The following TCP11L1 variants were observed in gnomAD, a reference collection of about 807,000 sequenced individuals.
TCP11L1 encodes the protein t-complex 11 like 1, also known as T-complex protein 11-like protein 1.
TCP11L1 carries 28 observed loss-of-function variants against 48.9 expected under a neutral mutation model. The ratio of observed to expected loss-of-function variants is 0.57; its 90% CI spans 0.42 to 0.78. TCP11L1 has a LOEUF of 0.78. Ranked by LOEUF, TCP11L1 falls within the 30% of genes least tolerant of loss-of-function variation. The pLI is 0.00. For synonymous variants in TCP11L1, 204 were observed against 231.9 expected (o/e 0.88, Z 1.09); for missense variants, 505 against 613.4 (o/e 0.82, Z 1.87).
At chr11:33,041,631 A>G (rs4627045) in intron 1 of TCP11L1, among the ~76,000 whole-genome samples, 61,627 of 151,544 alleles carry the variant, frequency 0.41, 12,670 homozygotes, top group African/African-American at 0.46. Flanking sequence ...GGCGCCTATA[A>G]TCCCAGCTAC....
intron 2 of TCP11L1, among the ~76,000 whole-genome samples, chr11:33,047,100 G>T (rs1172874456): frequency 6.6e-6 from 1 of 151,806 alleles, no homozygotes; most frequent in African/African-American, 2.4e-5. Context: ...GTGTGTGCCT[G>T]TAATTGGGAG....
chr11:33,048,616 G>A (rs987117031), intron 2 of TCP11L1, among the ~76,000 whole-genome samples: 5 of 152,128 alleles, frequency 3.3e-5, no homozygotes, highest in African/African-American at 1.2e-4. Flanking sequence ...ATTTTAAGTA[G>A]TCTCTTAACT....
At chr11:33,056,959 A>G (rs1854326675) in intron 3 of TCP11L1, among the ~76,000 whole-genome samples, 156 bp from the exon 4 acceptor site, 1 of 152,238 alleles carries the variant, frequency 6.6e-6, no homozygotes, top group African/African-American at 2.4e-5. Flanking sequence ...AAAATAAAGT[A>G]TGCCCTCAGT....
Position 33,057,195 on chromosome 11 carries a change from C to CAT in TCP11L1, c.380_381dup (p.Asp128MetfsTer8). ...GTGCAGCTAAGTGAAGATCCCCCAG[C>CAT]ATATGACCATGCTATCAAACTTGTA... On this transcript the variant is annotated frameshift_variant, in exon 4 of 10. Transcript: ENST00000334274. LOFTEE classifies it high-confidence loss of function. 1 of 1,614,052 alleles carries CAT rather than the reference C, an allele frequency of 6.2e-7. No individual in the cohort carries two copies. Among genetic ancestry groups the CAT allele is most frequent in the South Asian group, 1.1e-5 (1 of 91,074 alleles).
chr11:33,044,261 G>C (rs1853921479), intron 2 of TCP11L1: 1 of 199,694 alleles, frequency 5.0e-6, no homozygotes, highest in Admixed American at 5.8e-5. Context: ...TGTTTGAAAA[G>C]TCTGAGGCTA....
At chr11:33,061,448 G>T in intron 6 of TCP11L1, 82 bp from the exon 7 acceptor site, 1 of 1,340,912 alleles carries the variant, frequency 7.5e-7, no homozygotes, top group Non-Finnish European at 1.0e-6. Context: ...CACTCCACCA[G>T]GACATCGATT....
At chr11:33,052,476 T>C (rs1176378075) in intron 2 of TCP11L1, among the ~76,000 whole-genome samples, 1 of 152,148 alleles carries the variant, frequency 6.6e-6, no homozygotes, top group Non-Finnish European at 1.5e-5. Context: ...TTCCTTTTTT[T>C]TTTTTCTTTT....
intron 2 of TCP11L1, among the ~76,000 whole-genome samples, chr11:33,050,115 G>T (rs902398868): frequency 6.6e-6 from 1 of 152,190 alleles, no homozygotes; most frequent in Non-Finnish European, 1.5e-5. Context: ...ATTAAACCTT[G>T]AGTCAACACA....
chr11:33,056,403 A>C (rs1226465682), intron 3 of TCP11L1, among the ~76,000 whole-genome samples: 3 of 151,854 alleles, frequency 2.0e-5, no homozygotes, highest in African/African-American at 4.8e-5. Flanking sequence ...GAGCCACCAC[A>C]CCTGGCCAAT....
chr11:33,065,552 C>T (rs746254279), intron 7 of TCP11L1, among the ~76,000 whole-genome samples: 5 of 152,170 alleles, frequency 3.3e-5, no homozygotes, highest in Non-Finnish European at 1.5e-5. Flanking sequence ...CGTGAGCCAC[C>T]GCGGCCAGCC....
At chr11:33,055,814 A>ATTG (rs562590584) in intron 3 of TCP11L1, among the ~76,000 whole-genome samples, 141 of 152,208 alleles carry the variant, frequency 9.3e-4, no homozygotes, top group Non-Finnish European at 1.6e-3. Flanking sequence ...AGACATTTTT[A>ATTG]TTGTTGTTGT....
intron 1 of TCP11L1, 110 bp from the exon 2 acceptor site, chr11:33,043,640 G>A (rs1256244695): frequency 3.5e-6 from 3 of 852,552 alleles, no homozygotes; most frequent in Non-Finnish European, 3.5e-6. Flanking sequence ...TTCTACAAAC[G>A]AGAAAACTGA....
At chr11:33,059,173 T>C (rs1854403383) in intron 6 of TCP11L1, 78 bp downstream of exon 6, 6 of 1,554,362 alleles carry the variant, frequency 3.9e-6, no homozygotes, top group Admixed American at 4.0e-5. Flanking sequence ...TTGCATAATA[T>C]TATTTTCAGA....
chr11:33,056,269 C>A (rs1013632210), intron 3 of TCP11L1, among the ~76,000 whole-genome samples: 2 of 152,146 alleles, frequency 1.3e-5, no homozygotes, highest in Non-Finnish European at 2.9e-5. Flanking sequence ...CACCACCACA[C>A]CCAGCTAATT....
At chr11:33,041,526 G>A (rs1227555209) in intron 1 of TCP11L1, among the ~76,000 whole-genome samples, 2 of 152,044 alleles carry the variant, frequency 1.3e-5, no homozygotes, top group African/African-American at 4.8e-5. Context: ...TGAGGCGGGC[G>A]GATCACTAGA....
At chr11:33,041,756 C>CAAA (rs113352878) in intron 1 of TCP11L1, among the ~76,000 whole-genome samples, 2,083 of 143,916 alleles carry the variant, frequency 0.014, 50 homozygotes, top group African/African-American at 0.047. Flanking sequence ...AGTCTGTCCC[C>CAAA]AAAAAAAAAA....
chr11:33,050,697 T>A (rs1159285447), intron 2 of TCP11L1, among the ~76,000 whole-genome samples: 1 of 152,238 alleles, frequency 6.6e-6, no homozygotes, highest in Non-Finnish European at 1.5e-5. Flanking sequence ...TATCATGGAA[T>A]GTACATTTTA....
intron 9 of TCP11L1, 133 bp from the exon 10 acceptor site, chr11:33,072,341 G>GTCA (rs1854816507): frequency 1.2e-6 from 1 of 836,594 alleles, no homozygotes; most frequent in Non-Finnish European, 2.0e-6. Context: ...AAGGTGCTGT[G>GTCA]GGTATCTGGT....
chr11:33,065,899 G>A lies in TCP11L1; in HGVS notation c.1042G>A (p.Ala348Thr). 2 of 1,614,222 alleles carry A rather than the reference G, an allele frequency of 1.2e-6. No homozygotes were observed. The highest frequency in any genetic ancestry group is 1.7e-6 in the Non-Finnish European group (2 of 1,180,024). ...GCTGGAACAACTGACCATCCTGGGG[G>A]CTGTGTTGCTGGTCACCTTCAGCAT... ...LQLEQLTILG[A>T]VLLVTFSMAA... is the part of the protein sequence containing the mutation. Residue 348 changes from alanine to threonine, a missense_variant, in exon 8 of 10, where the codon GCT becomes ACT. Ala to Thr is a moderately conservative substitution (Grantham distance 58). Coordinates refer to ENST00000334274, the MANE Select transcript of TCP11L1 (RefSeq NM_018393.4).
Sources: gnomAD v4.1 joint callset for allele counts (sites outside exome capture counted in the v4.1 genomes callset) on GRCh38, gnomAD v4.1.1 for gene constraint, MANE v1.5 for transcripts, NCBI Gene and HGNC (gene_info 2026-07-23, HGNC 2026-07-21) for gene names.